TFCP2L1: variants seen among roughly 807,000 people sequenced by gnomAD.
The protein encoded by TFCP2L1 is transcription factor CP2 like 1, also known as transcription factor CP2-like protein 1.
Under a neutral mutation model 72.2 loss-of-function variants are expected in TFCP2L1, and 12 were observed. The ratio of observed to expected loss-of-function variants is 0.17; its 90% CI spans 0.11 to 0.27. The LOEUF (loss-of-function observed/expected upper bound fraction) is 0.27. Among genes scored for constraint, TFCP2L1 ranks in the 10% least tolerant of loss-of-function variants. The pLI is 1.00. For synonymous variants in TFCP2L1, 260 were observed against 251.0 expected (o/e 1.04, Z -0.34); for missense variants, 488 against 624.6 (o/e 0.78, Z 2.33).
chr2:121,280,896 C>T lies in TFCP2L1; in HGVS notation c.214+224G>A, dbSNP rs181152438. ...GAATGCAGAGTGTTACCCTGTTACCCGCGTGAGGTATCTGATGTTTCCATT... is the reference window on the plus strand; with the variant it reads ...GAATGCAGAGTGTTACCCTGTTACCTGCGTGAGGTATCTGATGTTTCCATT... On this transcript the variant is annotated intron_variant, in intron 2 of 14. Coordinates refer to ENST00000263707, the MANE Select transcript of TFCP2L1 (RefSeq NM_014553.3). 3.6e-3 allele frequency among the ~76,000 whole-genome samples: 551 copies of T among 152,188 alleles called. 1 individual carries two copies. Among genetic ancestry groups the T allele is most frequent in the African/African-American group, 0.013 (520 of 41,516 alleles).
At chr2:121,241,642 C>T (rs1686370493) in intron 7 of TFCP2L1, among the ~76,000 whole-genome samples, 1 of 152,156 alleles carries the variant, frequency 6.6e-6, no homozygotes, top group East Asian at 1.9e-4. Flanking sequence ...TGCTGACACC[C>T]TCCAACCCCA....
intron 7 of TFCP2L1, 121 bp from the exon 8 acceptor site, chr2:121,239,770 C>G: frequency 4.1e-6 from 4 of 977,142 alleles, no homozygotes; most frequent in Non-Finnish European, 4.5e-6. Flanking sequence ...TGAAACGCAG[C>G]CTGCGTTTAC....
chr2:121,242,565 G>A, intron 6 of TFCP2L1, 96 bp from the exon 7 acceptor site: 1 of 1,171,522 alleles, frequency 8.5e-7, no homozygotes, highest in Non-Finnish European at 1.3e-6. Flanking sequence ...GGGCCCCAGG[G>A]CGCAGGGAGG....
chr2:121,256,764 G>A (rs1268965283), intron 2 of TFCP2L1, among the ~76,000 whole-genome samples: 2 of 151,546 alleles, frequency 1.3e-5, no homozygotes, highest in Admixed American at 1.3e-4. Flanking sequence ...CGACAAGAGC[G>A]AAACTCCATC....
chr2:121,224,238 C>T lies in TFCP2L1; in HGVS notation c.*103G>A. 7.1e-7 allele frequency: 1 copy of T among 1,418,140 alleles called. No homozygotes were observed. Among genetic ancestry groups the T allele is most frequent in the South Asian group, 1.2e-5 (1 of 82,186 alleles). The allele number at this position is 1,418,140 out of a possible 1,614,324, so 87.8% of individuals were successfully genotyped here. A position where few individuals can be genotyped will look rare whatever the true frequency, so the allele number is the denominator to read the frequency against. On this transcript the variant is annotated 3_prime_UTR_variant, in exon 15 of 15. Coordinates refer to ENST00000263707, the MANE Select transcript of TFCP2L1 (RefSeq NM_014553.3). ...CAGACTGGGCAGGGTCCCTCCTGGC[C>T]TCAGCTTGCCTGGTGAGGCCACAGC...
At chr2:121,231,201 G>A (rs1013480681) in intron 13 of TFCP2L1, among the ~76,000 whole-genome samples, 3 of 152,244 alleles carry the variant, frequency 2.0e-5, no homozygotes, top group African/African-American at 7.2e-5. Context: ...GTTATTAGGT[G>A]GAAGGGGTCC....
chr2:121,251,785 T>C (rs1416135201), intron 2 of TFCP2L1, among the ~76,000 whole-genome samples: 1 of 152,244 alleles, frequency 6.6e-6, no homozygotes, highest in Admixed American at 6.5e-5. Context: ...TTGCACATGA[T>C]AAATACAATT....
intron 13 of TFCP2L1, among the ~76,000 whole-genome samples, chr2:121,227,720 T>TACACACACAC (rs144192362): frequency 0.02 from 2,958 of 147,378 alleles, 66 homozygotes; most frequent in South Asian, 0.1. Flanking sequence ...AAACATACAA[T>TACACACACAC]ACACACACAC....
At chr2:121,273,891 A>G (rs1176515475) in intron 2 of TFCP2L1, among the ~76,000 whole-genome samples, 1 of 152,120 alleles carries the variant, frequency 6.6e-6, no homozygotes, top group Admixed American at 6.5e-5. Flanking sequence ...TCAGGAGCTC[A>G]AGACCAGCCT....
At position 121,221,238 on chromosome 2, in the gene TFCP2L1, T is replaced by C. The variant is rs973080177; in HGVS notation, c.*3103A>G. On this transcript the variant is annotated 3_prime_UTR_variant, in exon 15 of 15. Coordinates refer to ENST00000263707, the MANE Select transcript of TFCP2L1 (RefSeq NM_014553.3). ...TAACAGGAAATCATTGGTCTCAACC[T>C]TCCTCCAAGGACTAGTGTGTGGAGC... 3 of 152,192 alleles carry C rather than the reference T, an allele frequency of 2.0e-5. No homozygotes were observed. Among genetic ancestry groups the C allele is most frequent in the Non-Finnish European group, 2.9e-5 (2 of 68,040 alleles). 9.4% of individuals were successfully genotyped at this position (152,192 alleles called of 1,614,324 possible).
chr2:121,258,484 AG>A (rs990074211), intron 2 of TFCP2L1, among the ~76,000 whole-genome samples: 1 of 152,226 alleles, frequency 6.6e-6, no homozygotes, highest in Non-Finnish European at 1.5e-5. Context: ...GCCACCACAG[AG>A]GAAGAGGCGC....
chr2:121,230,857 C>T (rs1249597799), intron 13 of TFCP2L1, among the ~76,000 whole-genome samples: 1 of 152,202 alleles, frequency 6.6e-6, no homozygotes, highest in Non-Finnish European at 1.5e-5. Flanking sequence ...AGGAGGATCA[C>T]TTGAGCCCAA....
chr2:121,224,333 A>G lies in TFCP2L1; in HGVS notation c.*8T>C, dbSNP rs1437335436. The stretch of plus-strand genomic sequence containing the variant: ...GGAGCTGGAGACAGGTATGAGGTCC[A>G]CTGCTGCTCAGAGTCCACATTTCAG... On this transcript the variant is annotated 3_prime_UTR_variant, in exon 15 of 15. Transcript: ENST00000263707. The G allele has an allele frequency of 2.5e-6, 4 of 1,613,834 alleles. No homozygotes were observed. Among genetic ancestry groups the G allele is most frequent in the East Asian group, 2.2e-5 (1 of 44,890 alleles).
intron 2 of TFCP2L1, among the ~76,000 whole-genome samples, chr2:121,268,352 CATTT>C (rs756821808): frequency 2.0e-5 from 3 of 151,498 alleles, no homozygotes; most frequent in African/African-American, 2.4e-5. Flanking sequence ...GTATCTTTCC[CATTT>C]ATTTATTTAT....
At chr2:121,241,499 AAAAC>A (rs1427514387) in intron 7 of TFCP2L1, among the ~76,000 whole-genome samples, 3 of 152,138 alleles carry the variant, frequency 2.0e-5, no homozygotes, top group East Asian at 1.9e-4. Context: ...TCAGTCTCAA[AAAAC>A]AAACAAAAAA....
intron 8 of TFCP2L1, among the ~76,000 whole-genome samples, chr2:121,239,256 G>T (rs1023926410): frequency 6.6e-6 from 1 of 152,212 alleles, no homozygotes; most frequent in East Asian, 1.9e-4. Context: ...ACCACTGTCA[G>T]GAGGGCCATT....
chr2:121,245,792 T>C (rs1236700357), intron 6 of TFCP2L1, among the ~76,000 whole-genome samples: 1 of 152,206 alleles, frequency 6.6e-6, no homozygotes, highest in Non-Finnish European at 1.5e-5. Flanking sequence ...TTTATGGTTC[T>C]ACCTGTGGGC....
intron 5 of TFCP2L1, among the ~76,000 whole-genome samples, chr2:121,247,341 C>G (rs1439728645): frequency 6.6e-6 from 1 of 152,118 alleles, no homozygotes; most frequent in African/African-American, 2.4e-5. Flanking sequence ...TAACCCCTCT[C>G]TAATGTCCTG....
chr2:121,230,979 T>C (rs1686132098), intron 13 of TFCP2L1, among the ~76,000 whole-genome samples: 1 of 152,134 alleles, frequency 6.6e-6, no homozygotes, highest in Admixed American at 6.5e-5. Flanking sequence ...CTGGGTACCT[T>C]ACAGGCTCAG....
Sources: allele counts gnomAD v4.1 joint callset (sites outside exome capture counted in the v4.1 genomes callset), GRCh38; gene constraint gnomAD v4.1.1; transcripts MANE v1.5; gene names NCBI Gene and HGNC (gene_info 2026-07-23, HGNC 2026-07-21).